CELF2: variants seen among roughly 807,000 people sequenced by gnomAD.
The protein encoded by CELF2 is CUGBP Elav-like family member 2, also known as CUG triplet repeat RNA-binding protein 2.
Under a neutral mutation model 62.6 loss-of-function variants are expected in CELF2, and 8 were observed. That is an observed-to-expected ratio of 0.13 (90% CI 0.07 to 0.23). The LOEUF (loss-of-function observed/expected upper bound fraction) is 0.23. CELF2 is among the 10% of genes least tolerant of loss of function. The probability of loss-of-function intolerance (pLI) is 1.00; values close to 1 mark genes in which losing one functional copy is unlikely to be tolerated. For synonymous variants in CELF2, 258 were observed against 250.0 expected (o/e 1.03, Z -0.30); for missense variants, 333 against 671.0 (o/e 0.50, Z 5.56).
intron 2 of CELF2, among the ~76,000 whole-genome samples, chr10:11,196,511 A>T (rs141206658): frequency 6.6e-6 from 1 of 151,998 alleles, no homozygotes; most frequent in Non-Finnish European, 1.5e-5. Context: ...CAAAAAAAAT[A>T]ACAAAATTAG....
the CELF2 span, among the ~76,000 whole-genome samples, chr10:10,789,832 T>G: frequency 4.6e-5 from 7 of 152,140 alleles, no homozygotes; most frequent in Admixed American, 4.6e-4. Flanking sequence ...CTTTAATAGA[T>G]CCATATATAT....
chr10:11,055,911 T>C (rs1305257392), intron 1 of CELF2, among the ~76,000 whole-genome samples: 1 of 152,260 alleles, frequency 6.6e-6, no homozygotes, highest in African/African-American at 2.4e-5. Flanking sequence ...CAAGCAATGC[T>C]TAAATCTGCT....
chr10:10,983,551 G>A lies in CELF2; in HGVS notation c.89+63552G>A, dbSNP rs991305799. Among the ~76,000 whole-genome samples, 1 of 152,052 alleles carries A rather than the reference G, an allele frequency of 6.6e-6. No homozygotes were observed. Among genetic ancestry groups the A allele is most frequent in the African/African-American group, 2.4e-5 (1 of 41,392 alleles). ...GATGGGTGCTACCGAAGATACATCC[G>A]TAGTTTTTGTTTTTGGTTTTTGGTT... On this transcript the variant is annotated intron_variant, in intron 2 of 13. Coordinates refer to the CELF2 transcript ENST00000636488. The surrounding 1 kb of genome is among the most constrained non-coding windows in gnomAD (Gnocchi z 5.2).
chr10:11,321,382 G>A lies in CELF2; in HGVS notation c.1290G>A (p.Lys430=). 1 of 1,604,444 alleles carries A rather than the reference G, an allele frequency of 6.2e-7. No homozygotes were observed. The highest frequency in any genetic ancestry group is 8.5e-7 in the Non-Finnish European group (1 of 1,179,748). Residue 430 remains lysine (K), a synonymous_variant, in exon 11 of 13, where the codon AAG becomes AAA. Coordinates refer to ENST00000633077, the MANE Select transcript of CELF2 (RefSeq NM_001326342.2). The surrounding 1 kb of genome is among the most constrained non-coding windows in gnomAD (Gnocchi z 6.2). ...AGCAGAGCGCTGCAGGCAGCCAGAA[G>A]GAAGGTAGGTGCCGCCCTTGGCCCC... The part of the protein sequence containing the change: ...LQQQSAAGSQ[K]EGPEGANLFI...
At chr10:11,230,937 G>A (rs757352126) in intron 3 of CELF2, among the ~76,000 whole-genome samples, 4 of 152,182 alleles carry the variant, frequency 2.6e-5, no homozygotes, top group South Asian at 2.1e-4. Context: ...CTCGAAATTC[G>A]TTACCAGGAA....
chr10:11,072,459 C>T (rs1238396603), intron 1 of CELF2, among the ~76,000 whole-genome samples: 1 of 152,208 alleles, frequency 6.6e-6, no homozygotes, highest in Admixed American at 6.5e-5. Context: ...AGTGGAACCT[C>T]TACAGTCAGT....
intron 2 of CELF2, among the ~76,000 whole-genome samples, chr10:11,201,285 G>A (rs2059155949): frequency 6.6e-6 from 1 of 152,158 alleles, no homozygotes; most frequent in South Asian, 2.1e-4. Context: ...TATTTTCGCA[G>A]ACCCAAAAAT....
intron 2 of CELF2, among the ~76,000 whole-genome samples, chr10:11,200,464 A>G (rs1159962776): frequency 6.6e-6 from 1 of 152,230 alleles, no homozygotes; most frequent in Non-Finnish European, 1.5e-5. Flanking sequence ...GATATTTCTT[A>G]TACTCTGCAG....
the CELF2 span, among the ~76,000 whole-genome samples, chr10:10,690,833 T>C: frequency 6.6e-6 from 1 of 152,068 alleles, no homozygotes; most frequent in African/African-American, 2.4e-5. Context: ...TGAGCCTAGA[T>C]CGTGCCAACT....
intron 1 of CELF2, among the ~76,000 whole-genome samples, chr10:11,045,271 TTA>T (rs780105155): frequency 2.4e-4 from 37 of 152,130 alleles, no homozygotes; most frequent in Admixed American, 5.9e-4. Flanking sequence ...GGTTAGTTTT[TTA>T]TGTTTTTCTA....
At position 11,191,136 on chromosome 10, in the gene CELF2, T is replaced by C. The variant is rs535715456; in HGVS notation, c.271+25454T>C. 2.2e-4 allele frequency among the ~76,000 whole-genome samples: 33 copies of C among 152,312 alleles called. No homozygotes were observed. The South Asian group carries it at 6.8e-3, about 32-fold the overall frequency. ...CTGAATCTGTTTTCTTGTCTGTAAA[T>C]GGGGCCTGATGTATTGAAAGGCACC... is the stretch of plus-strand genomic sequence containing the variant. On this transcript the variant is annotated intron_variant, in intron 2 of 12. Transcript: ENST00000633077. This position sits in a 1 kb window ranked among gnomAD's most constrained non-coding sequence, Gnocchi z 4.1.
chr10:10,627,384 G>A, the CELF2 span, among the ~76,000 whole-genome samples: 1 of 152,186 alleles, frequency 6.6e-6, no homozygotes, highest in Admixed American at 6.5e-5. Context: ...AATGGTCTCA[G>A]AACTGCTTCC....
rs1233137986 is a variant in CELF2, at chr10:11,165,856, C to T, written c.271+174C>T. Among the ~76,000 whole-genome samples the T allele has an allele frequency of 6.6e-6, 1 of 152,206 alleles. No individual in the cohort carries two copies. The highest frequency in any genetic ancestry group is 2.4e-5 in the African/African-American group (1 of 41,452). Reference sequence around the variant, plus strand: ...TGCTCCCGACTCCTCCCCGCACCCCCGCCCGCCTGCCCGCCGGGACAGGTT... The same window carrying T: ...TGCTCCCGACTCCTCCCCGCACCCCTGCCCGCCTGCCCGCCGGGACAGGTT... On this transcript the variant is annotated intron_variant, in intron 2 of 12. Coordinates refer to ENST00000633077, the MANE Select transcript of CELF2 (RefSeq NM_001326342.2). The surrounding 1 kb of genome is among the most constrained non-coding windows in gnomAD (Gnocchi z 7.4).
intron 2 of CELF2, among the ~76,000 whole-genome samples, chr10:10,956,996 C>T (rs1490991750): frequency 6.6e-6 from 1 of 152,028 alleles, no homozygotes; most frequent in African/African-American, 2.4e-5. Context: ...ATTTCAGGTC[C>T]TCTTAGAATG....
Position 11,260,076 on chromosome 10 carries a change from A to G in CELF2, c.538+2204A>G, listed in dbSNP as rs926699683. On this transcript the variant is annotated intron_variant, in intron 5 of 12. Transcript: ENST00000633077. The surrounding 1 kb of genome is among the most constrained non-coding windows in gnomAD (Gnocchi z 4.2). Reference sequence around the variant, plus strand: ...AGTGACCCCAAGTTCCAGACCCACAACTTCTACTGAAATGAAATAGAACTT... The same window carrying G: ...AGTGACCCCAAGTTCCAGACCCACAGCTTCTACTGAAATGAAATAGAACTT... Among the ~76,000 whole-genome samples, 6 of 152,116 alleles carry G rather than the reference A, an allele frequency of 3.9e-5. No homozygotes were observed. Among genetic ancestry groups the G allele is most frequent in the African/African-American group, 1.4e-4 (6 of 41,414 alleles).
chr10:11,050,986 C>T (rs566784869), intron 1 of CELF2, among the ~76,000 whole-genome samples: 6 of 152,276 alleles, frequency 3.9e-5, no homozygotes, highest in African/African-American at 7.2e-5. Context: ...AATAAAACTC[C>T]GAACCCTGAG....
At chr10:10,695,869 A>G in the CELF2 span, among the ~76,000 whole-genome samples, 1 of 151,686 alleles carries the variant, frequency 6.6e-6, no homozygotes, top group African/African-American at 2.4e-5. Flanking sequence ...AGCTCCTTTA[A>G]GCACTTCTCT....
At chr10:11,213,761 C>T (rs1349739541) in intron 2 of CELF2, among the ~76,000 whole-genome samples, 1 of 152,196 alleles carries the variant, frequency 6.6e-6, no homozygotes, top group Non-Finnish European at 1.5e-5. Context: ...CTGACTGTTT[C>T]AATTTGGAGG....
chr10:10,632,265 G>A, the CELF2 span, among the ~76,000 whole-genome samples: 2 of 152,154 alleles, frequency 1.3e-5, no homozygotes, highest in Non-Finnish European at 1.5e-5. Flanking sequence ...AAAGAGTTGG[G>A]GAGCCAGAAG....
Sources: allele counts gnomAD v4.1 joint callset (sites outside exome capture counted in the v4.1 genomes callset), GRCh38; gene constraint gnomAD v4.1.1; non-coding constraint Gnocchi (gnomAD v3.1); transcripts MANE v1.5; gene names NCBI Gene and HGNC (gene_info 2026-07-23, HGNC 2026-07-21).